The following MDGA2 variants were observed in gnomAD, a reference collection of about 807,000 sequenced individuals.
The protein encoded by MDGA2 is MAM domain containing glycosylphosphatidylinositol anchor 2.
A neutral mutation model predicts 117.8 loss-of-function variants in MDGA2; 40 were observed. That is an observed-to-expected ratio of 0.34 (90% CI 0.26 to 0.44). The LOEUF (loss-of-function observed/expected upper bound fraction) is 0.44, where lower values mean the gene tolerates loss of function less well. Ranked by LOEUF, MDGA2 falls within the 20% of genes least tolerant of loss-of-function variation. The pLI is 1.00. For missense variants in MDGA2, 1,123 were observed against 1,250.6 expected (o/e 0.90, Z 1.54); for synonymous variants, 452 against 439.0 (o/e 1.03, Z -0.37).
chr14:47,144,815 A>ATTTTTTTTTTTTTTTTTTTTTT (rs60842690), intron 3 of MDGA2, among the ~76,000 whole-genome samples: 2 of 130,458 alleles, frequency 1.5e-5, no homozygotes, highest in African/African-American at 6.1e-5. Context: ...TGCCCGGCTA[A>ATTTTTTTTTTTTTTTTTTTTTT]TTTTTTTTTT....
In MDGA2 at chr14:46,969,333, C is replaced by T. The variant is rs529901326; in HGVS notation, c.1820-11690G>A. Among the ~76,000 whole-genome samples, 15 of 152,280 alleles carry T rather than the reference C, an allele frequency of 9.9e-5. No homozygotes were observed. The South Asian group carries it at 2.5e-3, about 25-fold the overall frequency. On this transcript the variant is annotated intron_variant, in intron 8 of 16. Coordinates refer to ENST00000399232, the MANE Select transcript of MDGA2 (RefSeq NM_001113498.3). ...CCCAGAGGAATCGCCACACTGACTT[C>T]CACAAGGGTTGAACTAGTTTACAGT...
At chr14:47,490,518 G>T (rs1894146792) in intron 1 of MDGA2, among the ~76,000 whole-genome samples, 1 of 151,970 alleles carries the variant, frequency 6.6e-6, no homozygotes, top group Non-Finnish European at 1.5e-5. Context: ...ATCAAATCAG[G>T]TGGTGTAGTC....
intron 3 of MDGA2, among the ~76,000 whole-genome samples, chr14:47,173,632 A>G (rs1166430377): frequency 2.6e-5 from 4 of 152,162 alleles, no homozygotes; most frequent in Non-Finnish European, 4.4e-5. Context: ...CCTGCCCTAA[A>G]AGAGCTCCTG....
At chr14:47,068,959 A>G (rs1890181245) in intron 6 of MDGA2, among the ~76,000 whole-genome samples, 2 of 152,110 alleles carry the variant, frequency 1.3e-5, no homozygotes, top group Non-Finnish European at 2.9e-5. Flanking sequence ...CCTCTCTCAC[A>G]GTATCCTGAG....
intron 1 of MDGA2, among the ~76,000 whole-genome samples, chr14:47,447,223 A>T (rs536635529): frequency 6.6e-6 from 1 of 152,124 alleles, no homozygotes; most frequent in Non-Finnish European, 1.5e-5. Flanking sequence ...CGCATACCCT[A>T]CTGTGGCTTG....
Position 47,144,215 on chromosome 14 carries a change from A to G in MDGA2, c.655T>C (p.Tyr219His). The G allele has an allele frequency of 6.4e-7, 1 of 1,551,372 alleles. No homozygotes were observed. Among genetic ancestry groups the G allele is most frequent in the South Asian group, 1.2e-5 (1 of 84,024 alleles). Residue 219 changes from tyrosine (Y) to histidine (H), a missense_variant, in exon 4 of 17, where the codon TAC becomes CAC. Tyr to His is a moderately conservative substitution (Grantham distance 83). This residue lies in a region of MDGA2 where 890 missense variants were observed against 1,050.3 expected (regional missense o/e 0.85). Transcript: ENST00000399232. Reference sequence around the variant, plus strand: ...CGGAGGAACACTGTTCTCTCATAGTAAAATTGTTCTTTAGCTTCACCTATA... The same window carrying G: ...CGGAGGAACACTGTTCTCTCATAGTGAAATTGTTCTTTAGCTTCACCTATA... ...QSIGEAKEQF[Y>H]YERTVFLRCV... is the part of the protein sequence containing the mutation.
intron 9 of MDGA2, among the ~76,000 whole-genome samples, chr14:46,940,771 T>C (rs1298267519): frequency 6.6e-6 from 1 of 152,174 alleles, no homozygotes; most frequent in Non-Finnish European, 1.5e-5. Context: ...AACTGAATGT[T>C]CAATGGTGTA....
intron 8 of MDGA2, among the ~76,000 whole-genome samples, chr14:46,969,207 C>T (rs1196903222): frequency 2.0e-5 from 3 of 152,150 alleles, no homozygotes; most frequent in African/African-American, 7.2e-5. Flanking sequence ...CCGCAATAAA[C>T]ATGCATGTGC....
intron 1 of MDGA2, among the ~76,000 whole-genome samples, chr14:47,608,462 C>T (rs751623200): frequency 1.3e-5 from 2 of 152,034 alleles, no homozygotes; most frequent in African/African-American, 2.4e-5. Context: ...TAGGGAAGAA[C>T]ATTCAAACAA....
At chr14:46,969,223 T>G (rs1209509977) in intron 8 of MDGA2, among the ~76,000 whole-genome samples, 1 of 152,202 alleles carries the variant, frequency 6.6e-6, no homozygotes, top group Admixed American at 6.5e-5. Context: ...TGTGCATGTG[T>G]CTTTATAGCA....
rs569782183 is a variant in MDGA2, at chr14:47,093,395, T to C, written c.1195+3459A>G. Among the ~76,000 whole-genome samples, 10 of 152,156 alleles carry C rather than the reference T, an allele frequency of 6.6e-5. No individual in the cohort carries two copies. In the South Asian group the frequency reaches 1.9e-3, roughly 28 times the overall value. ...GATTTAATTCATGAGAGAAGAGAGA[T>C]GTAGGCATTTCTAAATAGAACGAAT... is the stretch of plus-strand genomic sequence containing the variant. On this transcript the variant is annotated intron_variant, in intron 6 of 16. Coordinates refer to ENST00000399232, the MANE Select transcript of MDGA2 (RefSeq NM_001113498.3).
intron 1 of MDGA2, among the ~76,000 whole-genome samples, chr14:47,329,304 T>C (rs1005687170): frequency 2.0e-5 from 3 of 152,008 alleles, no homozygotes; most frequent in African/African-American, 7.2e-5. Context: ...TAGATATTTA[T>C]TTTCTTAAAC....
At chr14:46,984,552 A>T (rs1886797280) in intron 8 of MDGA2, among the ~76,000 whole-genome samples, 1 of 151,952 alleles carries the variant, frequency 6.6e-6, no homozygotes, top group African/African-American at 2.4e-5. Flanking sequence ...TTTCCAGTGG[A>T]TTCTTGTATC....
intron 1 of MDGA2, among the ~76,000 whole-genome samples, chr14:47,424,012 C>G (rs904430593): frequency 6.6e-6 from 1 of 151,986 alleles, no homozygotes; most frequent in Non-Finnish European, 1.5e-5. Flanking sequence ...AGGGTTTCAC[C>G]ATGTTGGCCA....
intron 1 of MDGA2, among the ~76,000 whole-genome samples, chr14:47,572,291 C>T (rs950168400): frequency 1.3e-5 from 2 of 152,040 alleles, no homozygotes; most frequent in Non-Finnish European, 2.9e-5. Context: ...TTATAAAAGC[C>T]GCTTGTATAT....
chr14:46,972,744 C>T (rs1886317364), intron 8 of MDGA2, among the ~76,000 whole-genome samples: 1 of 151,962 alleles, frequency 6.6e-6, no homozygotes, highest in Non-Finnish European at 1.5e-5. Context: ...ACACCAATGG[C>T]ATAATTATTG....
intron 8 of MDGA2, 80 bp downstream of exon 8, chr14:47,034,931 A>G: frequency 7.8e-7 from 1 of 1,274,278 alleles, no homozygotes; most frequent in Non-Finnish European, 1.1e-6. Flanking sequence ...TACAAAAATC[A>G]CCTCATATTA....
intron 1 of MDGA2, among the ~76,000 whole-genome samples, chr14:47,423,264 A>T (rs1028307501): frequency 6.6e-6 from 1 of 152,190 alleles, no homozygotes; most frequent in Non-Finnish European, 1.5e-5. Flanking sequence ...GCATTTGCAA[A>T]ATGTTTTAAA....
At chr14:47,014,606 T>C (rs969361129) in intron 8 of MDGA2, among the ~76,000 whole-genome samples, 1 of 152,314 alleles carries the variant, frequency 6.6e-6, no homozygotes, top group South Asian at 2.1e-4. Context: ...GCTTCTTACC[T>C]TAAACCTCAT....
Sources: gnomAD v4.1 joint callset for allele counts (sites outside exome capture counted in the v4.1 genomes callset) on GRCh38, gnomAD v4.1.1 for gene constraint, gnomAD v4.1.1 regional missense constraint, MANE v1.5 for transcripts, NCBI Gene and HGNC (gene_info 2026-07-23, HGNC 2026-07-21) for gene names.